Variants in DDX19B observed in about 807,000 individuals in gnomAD.
The protein encoded by DDX19B is DEAD-box helicase 19B, also known as ATP-dependent RNA helicase DDX19B.
Under a neutral mutation model 58.1 loss-of-function variants are expected in DDX19B, and 27 were observed. That is an observed-to-expected ratio of 0.46 (90% CI 0.34 to 0.64). The LOEUF is 0.64. DDX19B is among the 30% of genes least tolerant of loss of function. The pLI, the probability that DDX19B is intolerant of heterozygous loss-of-function variation, is 0.01. For missense variants in DDX19B, 399 were observed against 596.5 expected, an observed-to-expected ratio of 0.67 and a Z score of 3.45; for synonymous variants, 187 against 214.4, an observed-to-expected ratio of 0.87 and a Z score of 1.12.
At chr16:70,331,598 T>C in intron 9 of DDX19B, 124 bp from the exon 10 acceptor site, 3 of 1,322,104 alleles carry the variant, frequency 2.3e-6, no homozygotes, top group Non-Finnish European at 3.1e-6. Context: ...ATTTTAAGCC[T>C]AACCTCCTAA....
intron 4 of DDX19B, among the ~76,000 whole-genome samples, chr16:70,316,524 A>G (rs1260847071): frequency 6.6e-6 from 1 of 152,140 alleles, no homozygotes; most frequent in Non-Finnish European, 1.5e-5. Context: ...CAAGTTTTAT[A>G]AAAGAATTTA....
At chr16:70,333,476 G>A (rs1243950326) in intron 11 of DDX19B, 45 bp from the exon 12 acceptor site, 3 of 1,613,846 alleles carry the variant, frequency 1.9e-6, no homozygotes, top group Middle Eastern at 1.7e-4. Context: ...CCCAAGATGG[G>A]GCACATTCCT....
At chr16:70,320,570 CA>C (rs1194125891) in intron 5 of DDX19B, among the ~76,000 whole-genome samples, 2 of 150,974 alleles carry the variant, frequency 1.3e-5, no homozygotes, top group African/African-American at 4.9e-5. Context: ...TTTTTTGAGA[CA>C]GAGTCTCGCT....
At chr16:70,321,131 T>A (rs1031309704) in intron 5 of DDX19B, among the ~76,000 whole-genome samples, 1 of 151,832 alleles carries the variant, frequency 6.6e-6, no homozygotes, top group Non-Finnish European at 1.5e-5. Context: ...CCTGGCTAAT[T>A]TTGTATTTTT....
intron 1 of DDX19B, among the ~76,000 whole-genome samples, chr16:70,300,405 G>A (rs1434129213): frequency 6.6e-6 from 1 of 151,546 alleles, no homozygotes; most frequent in Non-Finnish European, 1.5e-5. Context: ...ATGGGGACTT[G>A]CCATGTTGCC....
intron 1 of DDX19B, among the ~76,000 whole-genome samples, chr16:70,304,589 T>C (rs539018874): frequency 6.6e-6 from 1 of 151,634 alleles, no homozygotes; most frequent in Non-Finnish European, 1.5e-5. Flanking sequence ...GCCAGGCTGG[T>C]CTCAAACCCC....
upstream of DDX19B, among the ~76,000 whole-genome samples, chr16:70,293,518 A>G (rs955027808): frequency 1.3e-5 from 2 of 150,498 alleles, no homozygotes; most frequent in African/African-American, 4.9e-5. Flanking sequence ...CTCCCATGGC[A>G]TCTTAGCTAC....
chr16:70,332,948 T>C lies in DDX19B; in HGVS notation c.1187-20T>C. 2 of 1,614,058 alleles carry C rather than the reference T, an allele frequency of 1.2e-6. No individual in the cohort carries two copies. Among genetic ancestry groups the C allele is most frequent in the Non-Finnish European group, 1.7e-6 (2 of 1,179,992 alleles). On this transcript the variant is annotated intron_variant, in intron 10 of 11. Coordinates refer to ENST00000288071, the MANE Select transcript of DDX19B (RefSeq NM_007242.7). ...CCTCCTGTCCTTAGTCCTCTCAGCC[T>C]CCAACTCTCCTTCCTGCAGGCATTG...
Position 70,318,643 on chromosome 16 carries a change from A to T in DDX19B, c.389+1055A>T, listed in dbSNP as rs150090264. The stretch of plus-strand genomic sequence containing the variant: ...CCTGTCTCTACTAAAAATACAAAAA[A>T]AAAATTAGCTGGTGTGGTGGCAGGC... On this transcript the variant is annotated intron_variant, in intron 5 of 11. Transcript: ENST00000288071. Among the ~76,000 whole-genome samples, 1,432 of 151,786 alleles carry T rather than the reference A, an allele frequency of 9.4e-3. 30 individuals carry two copies. The highest frequency in any genetic ancestry group is 0.033 in the African/African-American group (1,349 of 41,380).
At chr16:70,324,123 G>T (rs1207374242) in intron 5 of DDX19B, among the ~76,000 whole-genome samples, 1 of 152,000 alleles carries the variant, frequency 6.6e-6, no homozygotes, top group Non-Finnish European at 1.5e-5. Context: ...CATTATGAGG[G>T]TTTCAACTTG....
upstream of DDX19B, chr16:70,294,858 GC>G (rs767585204): frequency 3.9e-6 from 6 of 1,522,876 alleles, no homozygotes; most frequent in South Asian, 7.3e-5. Context: ...GGCTGGGGCT[GC>G]CGGGCGCGTC....
chr16:70,320,805 C>A (rs1326213051), intron 5 of DDX19B, among the ~76,000 whole-genome samples: 1 of 151,644 alleles, frequency 6.6e-6, no homozygotes, highest in Non-Finnish European at 1.5e-5. Context: ...GATCCAGCCG[C>A]CTTGGCCTCC....
At chr16:70,294,527 A>T (rs773587898), upstream of DDX19B, among the ~76,000 whole-genome samples, 1 of 152,046 alleles carries the variant, frequency 6.6e-6, no homozygotes, top group African/African-American at 2.4e-5. Context: ...CCACGGGGGG[A>T]GATGCTAATG....
chr16:70,297,062 C>T (rs1961249631), upstream of DDX19B, among the ~76,000 whole-genome samples: 1 of 151,368 alleles, frequency 6.6e-6, no homozygotes, highest in Non-Finnish European at 1.5e-5. Context: ...ACTACAGGTG[C>T]ATGCCACCAC....
Position 70,331,865 on chromosome 16 carries a change from C to A in DDX19B, c.1167C>A (p.Thr389=). Residue 389 remains threonine (T), a synonymous_variant, in exon 10 of 12, where the codon ACC becomes ACA. Coordinates refer to ENST00000288071, the MANE Select transcript of DDX19B (RefSeq NM_007242.7). ...FREGKEKVLV[T]TNVCARGIDV... is the part of the protein sequence containing the mutation. ...AGGGCAAAGAGAAGGTTTTGGTGAC[C>A]ACCAACGTGTGTGCCCGCGGTGAGC... is the stretch of plus-strand genomic sequence containing the variant. The A allele has an allele frequency of 1.2e-6, 2 of 1,614,022 alleles. No individual in the cohort carries two copies. Among genetic ancestry groups the A allele is most frequent in the Non-Finnish European group, 1.7e-6 (2 of 1,179,988 alleles).
chr16:70,324,235 C>T (rs1963013179), intron 5 of DDX19B, among the ~76,000 whole-genome samples: 1 of 151,836 alleles, frequency 6.6e-6, no homozygotes, highest in Admixed American at 6.6e-5. Flanking sequence ...CAGTGACTCA[C>T]ACCTATAATC....
At chr16:70,295,804 A>T (rs979814419), upstream of DDX19B, among the ~76,000 whole-genome samples, 1 of 151,976 alleles carries the variant, frequency 6.6e-6, no homozygotes, top group Admixed American at 6.6e-5. Flanking sequence ...GTTCAAGGAT[A>T]TAGTATGTGC....
chr16:70,329,769 G>A (rs181426540), intron 8 of DDX19B, 62 bp from the exon 9 acceptor site: 390 of 1,604,186 alleles, frequency 2.4e-4, no homozygotes, highest in Non-Finnish European at 3.1e-4. Context: ...CAGCTGGGAA[G>A]GCTGTGCTTC....
chr16:70,306,018 C>A (rs990287170), intron 1 of DDX19B, among the ~76,000 whole-genome samples: 1 of 152,122 alleles, frequency 6.6e-6, no homozygotes, highest in Non-Finnish European at 1.5e-5. Context: ...CCGCCTCGGC[C>A]TCCCAAAGTG....
Sources: gnomAD v4.1 joint callset for allele counts (sites outside exome capture counted in the v4.1 genomes callset) on GRCh38, gnomAD v4.1.1 for gene constraint, MANE v1.5 for transcripts, NCBI Gene and HGNC (gene_info 2026-07-23, HGNC 2026-07-21) for gene names.